The following CLTA variants were observed in gnomAD, a reference collection of about 807,000 sequenced individuals.
The protein encoded by CLTA is clathrin light chain A.
In CLTA, 9 loss-of-function variants were observed where a neutral mutation model predicts 26.9. The observed-to-expected ratio is 0.33, with a 90% CI of 0.20 to 0.58. The LOEUF is 0.58. Among genes scored for constraint, CLTA ranks in the 20% least tolerant of loss-of-function variants. The probability of loss-of-function intolerance (pLI) is 0.85; values close to 1 mark genes in which losing one functional copy is unlikely to be tolerated. For missense variants in CLTA, 278 were observed against 294.2 expected, an observed-to-expected ratio of 0.94 and a Z score of 0.40; for synonymous variants, 120 against 115.5, an observed-to-expected ratio of 1.04 and a Z score of -0.25.
chr9:36,207,133 G>A (rs1251085105), intron 4 of CLTA, among the ~76,000 whole-genome samples: 2 of 152,164 alleles, frequency 1.3e-5, no homozygotes, highest in Non-Finnish European at 2.9e-5. Context: ...GGAGCACGTC[G>A]CGCCTGGCAC....
chr9:36,205,538 A>G (rs1290557739), intron 4 of CLTA, among the ~76,000 whole-genome samples: 2 of 152,106 alleles, frequency 1.3e-5, no homozygotes, highest in Non-Finnish European at 2.9e-5. Flanking sequence ...CCAGCATTTA[A>G]GTTTAGTCTG....
chr9:36,204,866 A>G (rs573064373), intron 4 of CLTA, among the ~76,000 whole-genome samples: 33 of 152,112 alleles, frequency 2.2e-4, no homozygotes, highest in Non-Finnish European at 4.4e-4. Flanking sequence ...CAAAGAGAGG[A>G]TATGTGGTGT....
At chr9:36,192,971 TGTA>T (rs1258252970) in intron 1 of CLTA, among the ~76,000 whole-genome samples, 3 of 152,188 alleles carry the variant, frequency 2.0e-5, no homozygotes, top group Non-Finnish European at 4.4e-5. Context: ...GTGTCTGACA[TGTA>T]GTAGATGCTC....
At chr9:36,199,444 TTTC>T (rs1232579647) in intron 3 of CLTA, among the ~76,000 whole-genome samples, 1 of 151,116 alleles carries the variant, frequency 6.6e-6, no homozygotes, top group Admixed American at 6.6e-5. Flanking sequence ...ATTTTTCTTT[TTTC>T]TTTTTTCTTT....
At chr9:36,196,335 CTTTTTTCTTTT>C (rs1435835509) in intron 1 of CLTA, among the ~76,000 whole-genome samples, 1 of 135,618 alleles carries the variant, frequency 7.4e-6, no homozygotes, top group Non-Finnish European at 1.5e-5. Context: ...TTTTTTCTTT[CTTTTTTCTTTT>C]TTTTTTTTTT....
In CLTA at chr9:36,191,227, C is replaced by T. The variant is rs768918708; in HGVS notation, c.171C>T (p.Gly57=). 19 of 1,543,448 alleles carry T rather than the reference C, an allele frequency of 1.2e-5. No individual in the cohort carries two copies. In the African/African-American group the frequency reaches 2.5e-4, roughly 20 times the overall value. Reference sequence around the variant, plus strand: ...ACGAGGCCTTCGCCATCCTGGACGGCGGCGCCCCCGGGCCCCAGCCGCACG... The same window carrying T: ...ACGAGGCCTTCGCCATCCTGGACGGTGGCGCCCCCGGGCCCCAGCCGCACG... ...ENDEAFAILD[G]GAPGPQPHGE... is the part of the protein sequence containing the mutation. The change falls in exon 1 of 5, where the codon GGC becomes GGT. Residue 57 remains glycine, a synonymous_variant. Coordinates refer to ENST00000345519, the MANE Select transcript of CLTA (RefSeq NM_001833.4).
At chr9:36,208,913 G>GT in intron 4 of CLTA, among the ~76,000 whole-genome samples, 1 of 152,342 alleles carries the variant, frequency 6.6e-6, no homozygotes, top group South Asian at 2.1e-4. Context: ...GGTGAGAACA[G>GT]TCAGGGTCAT....
intron 3 of CLTA, among the ~76,000 whole-genome samples, chr9:36,203,059 C>T (rs2132910932): frequency 6.6e-6 from 1 of 152,160 alleles, no homozygotes; most frequent in South Asian, 2.1e-4. Context: ...TCTCGAACTC[C>T]TAACCTCAGA....
chr9:36,210,928 A>G (rs1828006486), intron 4 of CLTA, among the ~76,000 whole-genome samples: 1 of 152,234 alleles, frequency 6.6e-6, no homozygotes, highest in South Asian at 2.1e-4. Context: ...TTGATGTGAA[A>G]GAATGTTGGA....
chr9:36,206,111 T>C (rs1355000219), intron 4 of CLTA, among the ~76,000 whole-genome samples: 1 of 152,094 alleles, frequency 6.6e-6, no homozygotes, highest in Admixed American at 6.5e-5. Flanking sequence ...CCTCCAGGCA[T>C]TGAATTTGGG....
chr9:36,209,694 G>A (rs930709291), intron 4 of CLTA, among the ~76,000 whole-genome samples: 1 of 152,210 alleles, frequency 6.6e-6, no homozygotes, highest in Non-Finnish European at 1.5e-5. Context: ...GTGGGAAGGA[G>A]GTTTCCCCAC....
chr9:36,197,723 C>A, intron 2 of CLTA, 135 bp downstream of exon 2: 12 of 646,050 alleles, frequency 1.9e-5, no homozygotes, highest in South Asian at 6.1e-5. Context: ...GTGTTATCTA[C>A]CAAAGTGGAA....
intron 1 of CLTA, among the ~76,000 whole-genome samples, chr9:36,193,052 T>A (rs1826827707): frequency 6.6e-6 from 1 of 152,200 alleles, no homozygotes; most frequent in Non-Finnish European, 1.5e-5. Context: ...CAGATCTTGG[T>A]GACGGGCAGT....
intron 3 of CLTA, among the ~76,000 whole-genome samples, chr9:36,202,689 C>T (rs1827484375): frequency 6.6e-6 from 1 of 152,142 alleles, no homozygotes; most frequent in Non-Finnish European, 1.5e-5. Flanking sequence ...CAGAGTTTAC[C>T]TTCTTGGGAT....
At chr9:36,196,347 T>TC (rs1485065829) in intron 1 of CLTA, among the ~76,000 whole-genome samples, 32 of 151,174 alleles carry the variant, frequency 2.1e-4, no homozygotes, top group African/African-American at 6.5e-4. Flanking sequence ...TTTTTCTTTT[T>TC]TTTTTTTTTT....
intron 3 of CLTA, among the ~76,000 whole-genome samples, chr9:36,201,200 A>G (rs1827380784): frequency 6.6e-6 from 1 of 152,192 alleles, no homozygotes; most frequent in Non-Finnish European, 1.5e-5. Context: ...ACTGAATTGA[A>G]TTCACTTGGT....
chr9:36,197,664 A>G (rs1038174059), intron 2 of CLTA, 76 bp downstream of exon 2: 6 of 1,133,772 alleles, frequency 5.3e-6, no homozygotes, highest in Non-Finnish European at 6.5e-6. Context: ...TGACTGACCT[A>G]GAAAGAAACC....
intron 1 of CLTA, among the ~76,000 whole-genome samples, chr9:36,195,680 T>C (rs540361257): frequency 6.2e-4 from 95 of 152,200 alleles, no homozygotes; most frequent in Non-Finnish European, 1.1e-3. Context: ...GAAATACATA[T>C]CCTGGGCCAG....
At position 36,210,293 on chromosome 9, in the gene CLTA, A is replaced by G. The variant is rs371410552; in HGVS notation, c.486-1310A>G. ...AGGTCTGTAGAGCCTCTCAGGGCCT[A>G]TGACCTTGAGATGTTCATCCCCTTA... On this transcript the variant is annotated intron_variant, in intron 4 of 4. Coordinates refer to ENST00000345519, the MANE Select transcript of CLTA (RefSeq NM_001833.4). 1.2e-4 allele frequency among the ~76,000 whole-genome samples: 18 copies of G among 152,256 alleles called. No homozygotes were observed. In the East Asian group the frequency reaches 1.9e-3, roughly 16 times the overall value.
Sources: allele counts gnomAD v4.1 joint callset (sites outside exome capture counted in the v4.1 genomes callset), GRCh38; gene constraint gnomAD v4.1.1; transcripts MANE v1.5; gene names NCBI Gene and HGNC (gene_info 2026-07-23, HGNC 2026-07-21).